SCARA3: variants seen among roughly 807,000 people sequenced by gnomAD.
SCARA3 encodes scavenger receptor class A member 3.
SCARA3 carries 39 observed loss-of-function variants against 47.0 expected under a neutral mutation model. The ratio of observed to expected loss-of-function variants is 0.83; its 90% CI spans 0.64 to 1.08. The LOEUF is 1.08. Among genes scored for constraint, SCARA3 ranks in the 50% least tolerant of loss-of-function variants. The pLI is 0.00. For synonymous variants in SCARA3, 356 were observed against 334.1 expected (o/e 1.07, Z -0.71); for missense variants, 724 against 792.3 (o/e 0.91, Z 1.04).
At chr8:27,715,420 C>T in the SCARA3 span, among the ~76,000 whole-genome samples, 5 of 152,256 alleles carry the variant, frequency 3.3e-5, no homozygotes, top group African/African-American at 1.2e-4. This position sits in a 1 kb window ranked among gnomAD's most constrained non-coding sequence, Gnocchi z 4.2. Context: ...GCTCTGATAC[C>T]TTGCACTGGG....
At chr8:27,651,768 C>A in intron 3 of SCARA3, 141 bp downstream of exon 3, 1 of 1,202,010 alleles carries the variant, frequency 8.3e-7, no homozygotes. Flanking sequence ...TAGGGGATCT[C>A]TATGCCTAAT....
the SCARA3 span, among the ~76,000 whole-genome samples, chr8:27,730,181 G>C: frequency 6.6e-6 from 1 of 152,184 alleles, no homozygotes; most frequent in African/African-American, 2.4e-5. Context: ...ATTTTAATTG[G>C]ATCAGAGGAG....
rs1352922354 is a variant in SCARA3 at position 27,672,680 on chromosome 8, T to A, written c.*1329T>A. ...TCATCACTCCTTGGCACCCACCAAC[T>A]TCCTGCACACACTGGCAGAGAGGGG... On this transcript the variant is annotated 3_prime_UTR_variant, in exon 6 of 6. Coordinates refer to ENST00000301904, the MANE Select transcript of SCARA3 (RefSeq NM_016240.3). 5.8e-5 allele frequency: 57 copies of A among 985,508 alleles called. No homozygotes were observed. Among genetic ancestry groups the A allele is most frequent in the Non-Finnish European group, 6.6e-5 (55 of 830,122 alleles). The allele number at this position is 985,508 out of a possible 1,614,324, so 61.0% of individuals were successfully genotyped here.
chr8:27,695,789 G>T, the SCARA3 span, among the ~76,000 whole-genome samples: 1 of 151,894 alleles, frequency 6.6e-6, no homozygotes, highest in Non-Finnish European at 1.5e-5. Flanking sequence ...AATGAAAAAA[G>T]TCATAAACTT....
At chr8:27,642,819 G>C (rs984702038) in intron 1 of SCARA3, among the ~76,000 whole-genome samples, 1 of 152,126 alleles carries the variant, frequency 6.6e-6, no homozygotes, top group Non-Finnish European at 1.5e-5. Context: ...GCAAGACCTT[G>C]TCTATAAAAA....
the SCARA3 span, among the ~76,000 whole-genome samples, chr8:27,682,910 G>A: frequency 3.9e-5 from 6 of 151,936 alleles, no homozygotes; most frequent in African/African-American, 9.6e-5. Flanking sequence ...AAATAGTCTA[G>A]CCATTCTACT....
chr8:27,705,117 C>A, the SCARA3 span, among the ~76,000 whole-genome samples: 1 of 152,170 alleles, frequency 6.6e-6, no homozygotes, highest in Non-Finnish European at 1.5e-5. Context: ...CACCCTGCAT[C>A]CCCCATCAAA....
At chr8:27,642,674 A>T (rs1345835978) in intron 1 of SCARA3, among the ~76,000 whole-genome samples, 1 of 152,074 alleles carries the variant, frequency 6.6e-6, no homozygotes, top group African/African-American at 2.4e-5. Flanking sequence ...AATAAGCAAG[A>T]TTAGCTGGGT....
At position 27,665,002 on chromosome 8, in the gene SCARA3, C is replaced by G. The variant is rs573475133; in HGVS notation, c.1369+5463C>G. 2.0e-5 allele frequency among the ~76,000 whole-genome samples: 3 copies of G among 152,334 alleles called. No homozygotes were observed. In the South Asian group the frequency reaches 6.2e-4, roughly 32 times the overall value. ...ATCCCTTTCTCTGGGGACCTGGTCA[C>G]TCATTCATTCATCCAGAGACAGGCA... On this transcript the variant is annotated intron_variant, in intron 5 of 5. Transcript: ENST00000301904.
intron 1 of SCARA3, among the ~76,000 whole-genome samples, chr8:27,637,797 G>A (rs994384237): frequency 6.6e-6 from 1 of 152,058 alleles, no homozygotes; most frequent in African/African-American, 2.4e-5. Context: ...AAAACACAGC[G>A]ATGCAATCCC....
At chr8:27,653,141 C>T (rs919532318) in intron 3 of SCARA3, among the ~76,000 whole-genome samples, 2 of 152,226 alleles carry the variant, frequency 1.3e-5, no homozygotes, top group African/African-American at 4.8e-5. Flanking sequence ...AGGGCCTCTG[C>T]TCACAGCACT....
intron 1 of SCARA3, among the ~76,000 whole-genome samples, chr8:27,637,414 C>T (rs1468488025): frequency 2.0e-5 from 3 of 151,782 alleles, no homozygotes; most frequent in Non-Finnish European, 2.9e-5. Context: ...GAGTGACCCA[C>T]CCCCAAGATG....
At position 27,672,168 on chromosome 8, in the gene SCARA3, G is replaced by T. The variant is rs1802181974; in HGVS notation, c.*817G>T. Reference sequence around the variant, plus strand: ...TGTCACAGCACAGTGGGGCCACGAGGCTGACATTCTCTGGCCTTGCACACA... The same window carrying T: ...TGTCACAGCACAGTGGGGCCACGAGTCTGACATTCTCTGGCCTTGCACACA... On this transcript the variant is annotated 3_prime_UTR_variant, in exon 6 of 6. Coordinates refer to ENST00000301904, the MANE Select transcript of SCARA3 (RefSeq NM_016240.3). 4 of 985,464 alleles carry T rather than the reference G, an allele frequency of 4.1e-6. No homozygotes were observed. In the South Asian group the frequency reaches 1.4e-4, roughly 35 times the overall value. The allele number at this position is 985,464 out of a possible 1,614,324, so 61.0% of individuals were successfully genotyped here. A position where few individuals can be genotyped will look rare whatever the true frequency, so the allele number is the denominator to read the frequency against.
the SCARA3 span, among the ~76,000 whole-genome samples, chr8:27,722,877 T>C: frequency 6.6e-6 from 1 of 152,158 alleles, no homozygotes; most frequent in Non-Finnish European, 1.5e-5. Context: ...CCTTTTCTCC[T>C]AGTGACCCCG....
chr8:27,661,389 G>A (rs780678697), intron 5 of SCARA3, among the ~76,000 whole-genome samples: 1 of 152,148 alleles, frequency 6.6e-6, no homozygotes, highest in Non-Finnish European at 1.5e-5. Flanking sequence ...GTCCTTGAGT[G>A]AATTTTATTC....
downstream of SCARA3, chr8:27,676,811 A>G (rs1029516033): frequency 1.9e-5 from 8 of 427,932 alleles, no homozygotes; most frequent in African/African-American, 1.4e-4. Context: ...GGATGTGATT[A>G]AAATATTTGG....
chr8:27,656,570 G>T (rs1801747756), intron 3 of SCARA3, among the ~76,000 whole-genome samples: 2 of 152,044 alleles, frequency 1.3e-5, no homozygotes, highest in African/African-American at 2.4e-5. Flanking sequence ...TCTAACATGT[G>T]GGGTGTGGGG....
rs370670590 is a variant in SCARA3 at position 27,634,179 on chromosome 8, T to C, written c.-22T>C. On this transcript the variant is annotated 5_prime_UTR_variant, in exon 1 of 6. Transcript: ENST00000301904. ...CCAGCCGCCTGCAGCGGGGCCCTCC[T>C]GAGGCCCCAGAGGAAGAGACCATGA... 1.5e-4 allele frequency: 212 copies of C among 1,436,178 alleles called. 1 individual carries two copies. The African/African-American group carries it at 2.9e-3, about 19-fold the overall frequency. 89.0% of individuals were successfully genotyped at this position (1,436,178 alleles called of 1,614,324 possible). A position where few individuals can be genotyped will look rare whatever the true frequency, so the allele number is the denominator to read the frequency against.
the SCARA3 span, among the ~76,000 whole-genome samples, chr8:27,722,868 C>T: frequency 0.025 from 3,868 of 152,222 alleles, 80 homozygotes; most frequent in Non-Finnish European, 0.037. Flanking sequence ...CAGGGTATCC[C>T]TTTTCTCCTA....
Sources: gnomAD v4.1 joint callset for allele counts (sites outside exome capture counted in the v4.1 genomes callset) on GRCh38, gnomAD v4.1.1 for gene constraint, Gnocchi (gnomAD v3.1) non-coding constraint, MANE v1.5 for transcripts, NCBI Gene and HGNC (gene_info 2026-07-23, HGNC 2026-07-21) for gene names.